Variants in KIF3C observed in about 807,000 individuals in gnomAD.
KIF3C encodes kinesin family member 3C, also known as kinesin-like protein KIF3C.
In KIF3C, 12 loss-of-function variants were observed where a neutral mutation model predicts 67.7. That is an observed-to-expected ratio of 0.18 (90% CI 0.11 to 0.29). KIF3C has a LOEUF of 0.29. Ranked by LOEUF, KIF3C falls within the 10% of genes least tolerant of loss-of-function variation. KIF3C has a pLI of 1.00. For synonymous variants in KIF3C, 393 were observed against 426.2 expected (o/e 0.92, Z 0.96); for missense variants, 789 against 1,059.6 (o/e 0.74, Z 3.55).
intron 1 of KIF3C, among the ~76,000 whole-genome samples, chr2:25,966,399 C>A (rs1471583887): frequency 6.6e-6 from 1 of 152,194 alleles, no homozygotes; most frequent in Non-Finnish European, 1.5e-5. Context: ...AGCCACCACG[C>A]CCCACCTGTC....
chr2:25,953,681 T>G (rs1203470498), intron 4 of KIF3C, among the ~76,000 whole-genome samples: 13 of 147,086 alleles, frequency 8.8e-5, no homozygotes, highest in Middle Eastern at 3.6e-3. Context: ...TGTTTTTTTT[T>G]TTTTTTTGAG....
At chr2:25,963,674 TTATTATTA>T (rs754004179) in intron 1 of KIF3C, among the ~76,000 whole-genome samples, 17,720 of 143,136 alleles carry the variant, frequency 0.12, 1,347 homozygotes, top group African/African-American at 0.21. Flanking sequence ...AGTATTATTA[TTATTATTA>T]TTATTATTAT....
chr2:25,965,914 G>T (rs909784777), intron 1 of KIF3C, among the ~76,000 whole-genome samples: 1 of 152,042 alleles, frequency 6.6e-6, no homozygotes, highest in African/African-American at 2.4e-5. Context: ...CACAGGCTGT[G>T]GGGGTGGAAA....
At chr2:25,934,869 G>A (rs746700142) in intron 5 of KIF3C, among the ~76,000 whole-genome samples, 17 of 150,856 alleles carry the variant, frequency 1.1e-4, no homozygotes, top group Middle Eastern at 3.5e-3. Context: ...AGGCTGTAGC[G>A]TGCTATGATT....
At chr2:25,952,300 C>CA (rs566701173) in intron 4 of KIF3C, among the ~76,000 whole-genome samples, 12,807 of 146,626 alleles carry the variant, frequency 0.087, 640 homozygotes, top group African/African-American at 0.13. Context: ...GACTCCGTCT[C>CA]AAAAAAAAAT....
chr2:25,950,823 ACTTATGTGGTATCAC>A (rs1259282683), intron 5 of KIF3C, among the ~76,000 whole-genome samples: 1 of 152,074 alleles, frequency 6.6e-6, no homozygotes, highest in Non-Finnish European at 1.5e-5. Context: ...CCACTTACAA[ACTTATGTGGTATCAC>A]CTTAAGTAAA....
intron 1 of KIF3C, among the ~76,000 whole-genome samples, chr2:25,979,305 G>A (rs1664502497): frequency 6.6e-6 from 1 of 152,134 alleles, no homozygotes; most frequent in East Asian, 1.9e-4. Context: ...GAAGGTCCCG[G>A]GGGTGAGGAA....
intron 1 of KIF3C, among the ~76,000 whole-genome samples, chr2:25,965,852 T>C (rs981914008): frequency 6.6e-6 from 1 of 152,090 alleles, no homozygotes; most frequent in South Asian, 2.1e-4. Flanking sequence ...GGGGACAGGA[T>C]TGGGTTTGGT....
chr2:25,981,622 G>T lies in KIF3C; in HGVS notation c.296C>A (p.Thr99Lys), dbSNP rs752257576. 2 of 1,614,068 alleles carry T rather than the reference G, an allele frequency of 1.2e-6. No individual in the cohort carries two copies. Among genetic ancestry groups the T allele is most frequent in the African/African-American group, 1.3e-5 (1 of 74,942 alleles). Reference protein sequence around the residue: ...FNGTVFAYGQTGTGKTYTMQG... With the variant: ...FNGTVFAYGQKGTGKTYTMQG... Reference sequence around the variant, plus strand: ...CATGGTATAGGTCTTGCCAGTGCCCGTCTGGCCATAGGCAAACACCGTGCC... The same window carrying T: ...CATGGTATAGGTCTTGCCAGTGCCCTTCTGGCCATAGGCAAACACCGTGCC... Residue 99 changes from threonine to lysine, a missense_variant, in exon 1 of 8, where the codon ACG becomes AAG. Around this residue, in one of 2 missense-constraint regions of KIF3C, gnomAD observed 141 missense variants for 251.8 expected, o/e 0.56. Transcript: ENST00000264712. The surrounding 1 kb of genome is among the most constrained non-coding windows in gnomAD (Gnocchi z 8.2).
At chr2:25,954,078 C>A (rs79316183) in intron 4 of KIF3C, 189 bp downstream of exon 4, 34,193 of 621,336 alleles carry the variant, frequency 0.055, 1,209 homozygotes, top group Non-Finnish European at 0.074. Flanking sequence ...TTGAGGGGTT[C>A]ATCAAATACA....
intron 5 of KIF3C, among the ~76,000 whole-genome samples, chr2:25,937,505 G>T (rs7604968): frequency 0.55 from 84,214 of 152,036 alleles, 26,488 homozygotes; most frequent in Non-Finnish European, 0.74. Flanking sequence ...GGCAGTGGCA[G>T]CAAGGAGACA....
chr2:25,974,948 C>A (rs1420407189), intron 1 of KIF3C, among the ~76,000 whole-genome samples: 1 of 149,276 alleles, frequency 6.7e-6, no homozygotes, highest in East Asian at 1.9e-4. Context: ...ATCGCTTGAA[C>A]CTGGGAGGCA....
chr2:25,943,452 A>G (rs781282052), intron 5 of KIF3C, among the ~76,000 whole-genome samples: 9 of 152,214 alleles, frequency 5.9e-5, no homozygotes, highest in Non-Finnish European at 1.2e-4. Flanking sequence ...CAGAATCACA[A>G]CTGGGATTTC....
intron 5 of KIF3C, among the ~76,000 whole-genome samples, chr2:25,945,250 T>C (rs1239976190): frequency 6.6e-6 from 1 of 152,096 alleles, no homozygotes; most frequent in Non-Finnish European, 1.5e-5. Flanking sequence ...TTAATGGGCA[T>C]AATGAGTGTG....
chr2:25,946,617 G>C (rs1280319126), intron 5 of KIF3C, among the ~76,000 whole-genome samples: 2 of 152,200 alleles, frequency 1.3e-5, no homozygotes, highest in East Asian at 1.9e-4. Flanking sequence ...GAACCCGGGA[G>C]GCGGAGGTTG....
chr2:25,938,935 C>T (rs982263306), intron 5 of KIF3C, among the ~76,000 whole-genome samples: 1 of 152,048 alleles, frequency 6.6e-6, no homozygotes, highest in Admixed American at 6.6e-5. Context: ...CAGGGGTTGA[C>T]ATCATTCTCT....
chr2:25,957,206 T>A (rs1663828515), intron 1 of KIF3C, among the ~76,000 whole-genome samples: 1 of 152,144 alleles, frequency 6.6e-6, no homozygotes, highest in Non-Finnish European at 1.5e-5. Context: ...ACTATTCTCC[T>A]CCGCATTTAA....
chr2:25,975,477 A>G (rs1166693488), intron 1 of KIF3C, among the ~76,000 whole-genome samples: 3 of 151,944 alleles, frequency 2.0e-5, no homozygotes, highest in Non-Finnish European at 4.4e-5. Flanking sequence ...TGCCCAGCCT[A>G]CTCCTATAAT....
intron 1 of KIF3C, among the ~76,000 whole-genome samples, chr2:25,963,020 A>AATATATAATACATAATATATAAT (rs1664033532): frequency 1.3e-4 from 4 of 31,528 alleles, no homozygotes; most frequent in African/African-American, 8.8e-4. Flanking sequence ...TAATATATAT[A>AATATATAATACATAATATATAAT]ATATATAATA....
Sources: allele counts gnomAD v4.1 joint callset (sites outside exome capture counted in the v4.1 genomes callset), GRCh38; gene constraint gnomAD v4.1.1; regional missense constraint gnomAD v4.1.1; non-coding constraint Gnocchi (gnomAD v3.1); transcripts MANE v1.5; gene names NCBI Gene and HGNC (gene_info 2026-07-23, HGNC 2026-07-21).